Variants in NIN observed in about 807,000 individuals in gnomAD.
NIN encodes the protein glycogen synthase kinase 3 beta-interacting protein.
Under a neutral mutation model 257.6 loss-of-function variants are expected in NIN, and 137 were observed. That is an observed-to-expected ratio of 0.53 (90% CI 0.46 to 0.61). The LOEUF (loss-of-function observed/expected upper bound fraction) is 0.61, where lower values mean the gene tolerates loss of function less well. NIN is among the 20% of genes least tolerant of loss of function. The pLI, the probability that NIN is intolerant of heterozygous loss-of-function variation, is 0.00. For missense variants in NIN, 2,439 were observed against 2,501.2 expected (o/e 0.98, Z 0.53); for synonymous variants, 918 against 919.8 (o/e 1.00, Z 0.04).
In NIN at chr14:50,830,881, C is replaced by T. The variant is rs1023649529; in HGVS notation, c.-76+125G>A. On this transcript the variant is annotated intron_variant, in intron 1 of 30. Transcript: ENST00000530997. ...TGGCCCCGGACCCCAAATGGGAAGC[C>T]CCCGAGTGATCCGGTGCCCAGTTCG... is the stretch of plus-strand genomic sequence containing the variant. 10 of 151,266 alleles carry T rather than the reference C, an allele frequency of 6.6e-5. 1 individual carries two copies. Among genetic ancestry groups the T allele is most frequent in the African/African-American group, 1.9e-4 (8 of 41,346 alleles). 9.4% of individuals were successfully genotyped at this position (151,266 alleles called of 1,614,324 possible).
At chr14:50,750,596 G>T (rs1042059152) in intron 21 of NIN, among the ~76,000 whole-genome samples, 1 of 152,144 alleles carries the variant, frequency 6.6e-6, no homozygotes, top group African/African-American at 2.4e-5. Flanking sequence ...AGCCTGGATA[G>T]TATCCAGTCA....
At chr14:50,812,550 G>C (rs1165332553) in intron 3 of NIN, among the ~76,000 whole-genome samples, 7 of 152,194 alleles carry the variant, frequency 4.6e-5, no homozygotes, top group Admixed American at 2.6e-4. Context: ...AAAGTGGAAG[G>C]GTGGAATGGG....
chr14:50,769,212 T>G (rs1485184403), intron 12 of NIN, among the ~76,000 whole-genome samples: 1 of 152,224 alleles, frequency 6.6e-6, no homozygotes, highest in Non-Finnish European at 1.5e-5. Flanking sequence ...TAGGTATTAT[T>G]ATGGTGCCCA....
At chr14:50,747,781 AAGTT>A (rs2041615853) in intron 22 of NIN, among the ~76,000 whole-genome samples, 1 of 151,984 alleles carries the variant, frequency 6.6e-6, no homozygotes, top group Non-Finnish European at 1.5e-5. Context: ...CAACATATAT[AAGTT>A]AGACACATGT....
At chr14:50,770,727 G>C in intron 11 of NIN, 125 bp downstream of exon 11, 1 of 1,349,674 alleles carries the variant, frequency 7.4e-7, no homozygotes, top group South Asian at 1.4e-5. Flanking sequence ...AGTCACTCCA[G>C]CAAGGTGTGG....
intron 4 of NIN, among the ~76,000 whole-genome samples, chr14:50,798,173 A>G (rs2043927627): frequency 6.6e-6 from 1 of 152,158 alleles, no homozygotes; most frequent in African/African-American, 2.4e-5. Flanking sequence ...GCCCTTTCCA[A>G]TTAGCACCTC....
chr14:50,804,386 T>TA (rs2142166001), intron 4 of NIN, among the ~76,000 whole-genome samples: 1 of 152,346 alleles, frequency 6.6e-6, no homozygotes, highest in South Asian at 2.1e-4. Flanking sequence ...TCCTAGGTTT[T>TA]ATCCTGCCAG....
At chr14:50,783,945 G>A (rs1455209195) in intron 5 of NIN, among the ~76,000 whole-genome samples, 8 of 144,098 alleles carry the variant, frequency 5.6e-5, no homozygotes, top group African/African-American at 2.4e-4. Context: ...AAAAATCTTT[G>A]GAAAAGTAGG....
chr14:50,754,678 G>A (rs1197637956), intron 19 of NIN, 46 bp from the exon 20 acceptor site: 1 of 1,587,604 alleles, frequency 6.3e-7, no homozygotes. Flanking sequence ...GGCTTTAAAA[G>A]CTGAAGTAAA....
intron 22 of NIN, among the ~76,000 whole-genome samples, chr14:50,745,349 G>A (rs1364023234): frequency 2.0e-5 from 3 of 152,126 alleles, no homozygotes; most frequent in Non-Finnish European, 4.4e-5. Context: ...GGGCAGGAGA[G>A]CAATCCTCAC....
At chr14:50,733,041 C>G (rs2040796528) in intron 28 of NIN, among the ~76,000 whole-genome samples, 2 of 151,816 alleles carry the variant, frequency 1.3e-5, no homozygotes, top group African/African-American at 4.8e-5. Flanking sequence ...GAACTCTAGC[C>G]TGGGTGACAG....
chr14:50,772,900 T>C, intron 8 of NIN, 49 bp downstream of exon 8: 1 of 1,514,502 alleles, frequency 6.6e-7, no homozygotes, highest in Non-Finnish European at 9.0e-7. Context: ...ATTACTTAAA[T>C]GGGTTCTAAC....
intron 4 of NIN, among the ~76,000 whole-genome samples, chr14:50,798,012 G>A (rs2043919516): frequency 1.3e-5 from 2 of 152,068 alleles, no homozygotes; most frequent in African/African-American, 4.8e-5. Flanking sequence ...GGATGGGAAG[G>A]GAGAAGGGGA....
intron 3 of NIN, among the ~76,000 whole-genome samples, chr14:50,808,663 A>C (rs745429242): frequency 2.0e-5 from 3 of 152,218 alleles, no homozygotes; most frequent in Admixed American, 6.5e-5. Flanking sequence ...CTGGTGACAC[A>C]GTAGTGAATG....
Position 50,757,349 on chromosome 14 carries a change from A to T in NIN, c.3681T>A (p.Asp1227Glu). 1.2e-6 allele frequency: 2 copies of T among 1,613,856 alleles called. No individual in the cohort carries two copies. Among genetic ancestry groups the T allele is most frequent in the East Asian group, 2.2e-5 (1 of 44,890 alleles). Residue 1227 changes from aspartate (D) to glutamate (E), a missense_variant, in exon 18 of 31, where the codon GAT becomes GAA. By Grantham distance (45) the Asp-to-Glu change is conservative (BLOSUM62 2). Around this residue, in one of 3 missense-constraint regions of NIN, gnomAD observed 2,043 missense variants for 2,050.2 expected, o/e 1.00. Transcript: ENST00000530997. The part of the protein sequence containing the change: ...ASEKKQDLLF[D>E]VSVLKKKLKM... ...TCAGTTTCTTTTTTAGCACAGAAAC[A>T]TCAAAAAGTAGGTCCTGTTTCTTTT...
At chr14:50,806,856 C>G (rs2044352888) in intron 3 of NIN, 38 bp from the exon 4 acceptor site, 4 of 1,060,722 alleles carry the variant, frequency 3.8e-6, no homozygotes, top group East Asian at 5.1e-5. Flanking sequence ...GTAATTTCCA[C>G]AGCTCTAAGA....
chr14:50,790,090 T>C (rs964304082), intron 5 of NIN, among the ~76,000 whole-genome samples: 4 of 152,210 alleles, frequency 2.6e-5, no homozygotes, highest in African/African-American at 9.6e-5. Context: ...GGTCTTGCTC[T>C]GTCACCCAGG....
chr14:50,823,696 T>C (rs952653209), intron 2 of NIN, among the ~76,000 whole-genome samples: 1 of 152,208 alleles, frequency 6.6e-6, no homozygotes, highest in South Asian at 2.1e-4. Context: ...TAAAGCAACA[T>C]GGCACAATTT....
intron 18 of NIN, 44 bp downstream of exon 18, chr14:50,756,448 G>C: frequency 6.5e-7 from 1 of 1,535,102 alleles, no homozygotes; most frequent in Non-Finnish European, 8.7e-7. Context: ...GATCTGGTGA[G>C]GTGCTCTGTG....
Sources: allele counts gnomAD v4.1 joint callset (sites outside exome capture counted in the v4.1 genomes callset), GRCh38; gene constraint gnomAD v4.1.1; regional missense constraint gnomAD v4.1.1; transcripts MANE v1.5; gene names NCBI Gene and HGNC (gene_info 2026-07-23, HGNC 2026-07-21).